GRIA3: variants seen among roughly 807,000 people sequenced by gnomAD.
GRIA3 encodes glutamate receptor 3.
A neutral mutation model predicts 63.0 loss-of-function variants in GRIA3; 3 were observed. The ratio of observed to expected loss-of-function variants is 0.05; its 90% CI spans 0.02 to 0.12. GRIA3 has a LOEUF of 0.12. Among genes scored for constraint, GRIA3 ranks in the 10% least tolerant of loss-of-function variants. The pLI, the probability that GRIA3 is intolerant of heterozygous loss-of-function variation, is 1.00. For missense variants in GRIA3, 347 were observed against 700.9 expected, an observed-to-expected ratio of 0.50 and a Z score of 5.70; for synonymous variants, 274 against 257.9, an observed-to-expected ratio of 1.06 and a Z score of -0.60.
chrX:123,312,279 A>G (rs1029792134), intron 3 of GRIA3, among the ~76,000 whole-genome samples: 11 of 112,408 alleles, frequency 9.8e-5, no homozygotes, highest in Admixed American at 6.6e-4. Flanking sequence ...GGGAGTAACC[A>G]TCTATAGCCT....
chrX:123,397,139 C>A (rs2045418812), intron 6 of GRIA3, among the ~76,000 whole-genome samples: 1 of 111,396 alleles, frequency 9.0e-6, no homozygotes, highest in South Asian at 3.8e-4. Flanking sequence ...GTTCTAGAAC[C>A]CACTGAGAAG....
intron 12 of GRIA3, among the ~76,000 whole-genome samples, chrX:123,462,009 A>C (rs2045795476): frequency 9.0e-6 from 1 of 111,478 alleles, no homozygotes; most frequent in Admixed American, 9.5e-5. Flanking sequence ...TTAATCTGAA[A>C]ATGTCTACAG....
chrX:123,290,018 T>C (rs2044646073), intron 3 of GRIA3, among the ~76,000 whole-genome samples: 1 of 111,656 alleles, frequency 9.0e-6, no homozygotes, highest in Admixed American at 9.5e-5. Context: ...TTCACTGTTC[T>C]GTGAAATGCC....
intron 4 of GRIA3, among the ~76,000 whole-genome samples, chrX:123,330,999 T>C: frequency 8.9e-6 from 1 of 112,256 alleles, no homozygotes; most frequent in South Asian, 3.7e-4. Context: ...TGTCTATTCA[T>C]TATATATCTA....
At chrX:123,234,046 T>G (rs1225644813) in intron 2 of GRIA3, among the ~76,000 whole-genome samples, 1 of 110,576 alleles carries the variant, frequency 9.0e-6, no homozygotes, top group African/African-American at 3.3e-5. Flanking sequence ...CACCATGGAG[T>G]CCTGGAAAAA....
intron 3 of GRIA3, among the ~76,000 whole-genome samples, chrX:123,325,171 T>A (rs2044893647): frequency 2.7e-5 from 3 of 112,235 alleles, no homozygotes; most frequent in Non-Finnish European, 5.6e-5. Flanking sequence ...CAATGTAATA[T>A]TAGAGACATG....
At chrX:123,339,965 T>C (rs1455670804) in intron 4 of GRIA3, among the ~76,000 whole-genome samples, 2 of 112,273 alleles carry the variant, frequency 1.8e-5, no homozygotes, top group African/African-American at 3.2e-5. Flanking sequence ...CCACCTCCCT[T>C]CATTTTACAG....
At chrX:123,204,434 C>T in intron 2 of GRIA3, 2 of 1,156,624 alleles carry the variant, frequency 1.7e-6, no homozygotes, top group African/African-American at 3.6e-5. Flanking sequence ...AGAACAAGAT[C>T]ACAAGTCAGC....
At chrX:123,266,326 C>G (rs1170784726) in intron 3 of GRIA3, among the ~76,000 whole-genome samples, 2 of 111,410 alleles carry the variant, frequency 1.8e-5, no homozygotes, top group African/African-American at 6.5e-5. Flanking sequence ...ACCTCAAACT[C>G]AATGTTCTGA....
At chrX:123,412,025 C>T (rs2045509462) in intron 10 of GRIA3, among the ~76,000 whole-genome samples, 1 of 111,649 alleles carries the variant, frequency 9.0e-6, no homozygotes, top group East Asian at 2.8e-4. Flanking sequence ...ACTCTCTCTC[C>T]CAGCCTACAG....
intron 3 of GRIA3, among the ~76,000 whole-genome samples, chrX:123,284,033 G>A (rs969419212): frequency 8.9e-6 from 1 of 112,683 alleles, no homozygotes; most frequent in Non-Finnish European, 1.9e-5. Context: ...CCTATGGGAC[G>A]AATCTTCCAC....
intron 6 of GRIA3, among the ~76,000 whole-genome samples, chrX:123,398,375 T>G (rs921261012): frequency 9.0e-6 from 1 of 111,487 alleles, no homozygotes; most frequent in Admixed American, 9.6e-5. Context: ...TAACTCAGTA[T>G]AAAAAAGAAA....
At chrX:123,326,336 T>C in intron 4 of GRIA3, 123 bp downstream of exon 4, 1 of 468,684 alleles carries the variant, frequency 2.1e-6, no homozygotes, top group Non-Finnish European at 3.6e-6. Flanking sequence ...TTTGATAGTC[T>C]CTCTAATCCT....
At chrX:123,277,002 G>A (rs1161032537) in intron 3 of GRIA3, among the ~76,000 whole-genome samples, 4 of 111,466 alleles carry the variant, frequency 3.6e-5, no homozygotes, top group Non-Finnish European at 7.5e-5. Context: ...TGCAAATAGA[G>A]AACATTTCTA....
intron 12 of GRIA3, among the ~76,000 whole-genome samples, chrX:123,463,610 G>A (rs191363497): frequency 0.041 from 565 of 13,880 alleles, 29 homozygotes; most frequent in African/African-American, 0.047. Context: ...GAGGGAGGGA[G>A]GGAAAGAAAG....
chrX:123,229,150 A>G (rs1168125243), intron 2 of GRIA3, among the ~76,000 whole-genome samples: 1 of 111,080 alleles, frequency 9.0e-6, no homozygotes, highest in Non-Finnish European at 1.9e-5. Context: ...ATTGACCCCT[A>G]CTCTTGCAGA....
chrX:123,444,840 T>C (rs960591638), intron 12 of GRIA3, among the ~76,000 whole-genome samples: 1 of 111,423 alleles, frequency 9.0e-6, no homozygotes, highest in Admixed American at 9.6e-5. Flanking sequence ...TACATTGCCA[T>C]TGCCATTTTA....
chrX:123,329,054 T>C (rs1476506334), intron 4 of GRIA3, among the ~76,000 whole-genome samples: 2 of 111,914 alleles, frequency 1.8e-5, no homozygotes, highest in African/African-American at 6.5e-5. Context: ...CAGATCCTGA[T>C]TGGAATGATA....
chrX:123,265,505 T>C (rs2044482702), intron 3 of GRIA3, among the ~76,000 whole-genome samples: 1 of 111,946 alleles, frequency 8.9e-6, no homozygotes, highest in South Asian at 3.8e-4. Flanking sequence ...TAAGTGGAAG[T>C]TGATCATCAT....
Sources: gnomAD v4.1 joint callset for allele counts (sites outside exome capture counted in the v4.1 genomes callset) on GRCh38, gnomAD v4.1.1 for gene constraint, MANE v1.5 for transcripts, NCBI Gene and HGNC (gene_info 2026-07-23, HGNC 2026-07-21) for gene names.